The following ABCB7 variants were observed in gnomAD, a reference collection of about 807,000 sequenced individuals.
The protein encoded by ABCB7 is ATP binding cassette subfamily B member 7.
ABCB7 carries 7 observed loss-of-function variants against 54.4 expected under a neutral mutation model. The observed-to-expected ratio is 0.13, with a 90% CI of 0.07 to 0.24. The LOEUF is 0.24. Among genes scored for constraint, ABCB7 ranks in the 10% least tolerant of loss-of-function variants. The pLI is 1.00. For synonymous variants in ABCB7, 218 were observed against 207.1 expected, an observed-to-expected ratio of 1.05 and a Z score of -0.45; for missense variants, 356 against 570.4, an observed-to-expected ratio of 0.62 and a Z score of 3.83.
At chrX:75,142,718 CG>C (rs1261281185) in intron 1 of ABCB7, among the ~76,000 whole-genome samples, 11 of 112,115 alleles carry the variant, frequency 9.8e-5, no homozygotes, top group Non-Finnish European at 1.9e-5. Context: ...TCCCCATCTC[CG>C]GGCTCATATA....
intron 4 of ABCB7, chrX:75,097,517 G>C (rs899983368): frequency 8.9e-6 from 1 of 111,808 alleles, no homozygotes; most frequent in African/African-American, 3.3e-5. Context: ...AAAGAAATTT[G>C]CTTTGTTCAT....
At chrX:75,099,667 C>T (rs1380159607) in intron 3 of ABCB7, among the ~76,000 whole-genome samples, 1 of 110,888 alleles carries the variant, frequency 9.0e-6, no homozygotes, top group Admixed American at 9.6e-5. Context: ...CCTGAGGCAA[C>T]ATTCCCATTA....
intron 9 of ABCB7, among the ~76,000 whole-genome samples, chrX:75,071,257 T>C (rs1296453337): frequency 9.0e-6 from 1 of 110,882 alleles, no homozygotes; most frequent in East Asian, 2.8e-4. Flanking sequence ...AAAAAAAAAG[T>C]TGTTCTTAAA....
chrX:75,051,141 G>GA lies in ABCB7; in HGVS notation c.*2228dup, dbSNP rs752924937. Among the ~76,000 whole-genome samples the GA allele has an allele frequency of 0.1, 8,695 of 84,482 alleles. 909 individuals are homozygous for GA. Among genetic ancestry groups the GA allele is most frequent in the African/African-American group, 0.31 (7,645 of 24,486 alleles). 73.4% of individuals were successfully genotyped at this position (84,482 alleles called of 115,157 possible). A position where few individuals can be genotyped will look rare whatever the true frequency, so the allele number is the denominator to read the frequency against. On this transcript the variant is annotated 3_prime_UTR_variant, in exon 16 of 16. Coordinates refer to ENST00000373394, the MANE Select transcript of ABCB7 (RefSeq NM_001271696.3). ...TTTCAGAGTAAGAAATGTTGAAAAG[G>GA]AAAAAAAAAAAAAAACTAATCCACT...
At chrX:75,061,038 G>C (rs2081278799) in intron 14 of ABCB7, among the ~76,000 whole-genome samples, 1 of 111,470 alleles carries the variant, frequency 9.0e-6, no homozygotes, top group Admixed American at 9.5e-5. Flanking sequence ...AGATATTTCT[G>C]AACATTTTAT....
At chrX:75,138,749 G>A (rs1382844797) in intron 1 of ABCB7, among the ~76,000 whole-genome samples, 4 of 111,384 alleles carry the variant, frequency 3.6e-5, no homozygotes, top group African/African-American at 9.8e-5. Flanking sequence ...AGTGGCTCAC[G>A]CCTGTAATCC....
intron 4 of ABCB7, among the ~76,000 whole-genome samples, chrX:75,088,382 T>C (rs1390286087): frequency 8.9e-6 from 1 of 112,433 alleles, no homozygotes; most frequent in Admixed American, 9.4e-5. Context: ...AGACCAGGAA[T>C]TTAAAATGCC....
chrX:75,097,765 G>A (rs1367940768), intron 4 of ABCB7, among the ~76,000 whole-genome samples: 1 of 111,226 alleles, frequency 9.0e-6, no homozygotes, highest in Admixed American at 9.6e-5. Flanking sequence ...CATTATTTTT[G>A]GAAATCTAAA....
chrX:75,054,746 T>C (rs1400070029), intron 15 of ABCB7, among the ~76,000 whole-genome samples: 2 of 111,193 alleles, frequency 1.8e-5, no homozygotes, highest in African/African-American at 3.3e-5. Context: ...CTTCAGAGCT[T>C]TTAGGTTGTT....
intron 1 of ABCB7, among the ~76,000 whole-genome samples, 185 bp from the exon 2 acceptor site, chrX:75,115,016 T>C (rs370255332): frequency 1.8e-5 from 2 of 111,174 alleles, no homozygotes; most frequent in East Asian, 5.6e-4. Flanking sequence ...ACGCCTATAA[T>C]CCTGGCACTT....
chrX:75,120,563 C>T (rs758949021), intron 1 of ABCB7, among the ~76,000 whole-genome samples: 35 of 110,788 alleles, frequency 3.2e-4, no homozygotes, highest in African/African-American at 1.0e-3. Context: ...GATCATGCCA[C>T]TGCACTCCAG....
chrX:75,053,132 G>C lies in ABCB7; in HGVS notation c.*238C>G, dbSNP rs1265792691. 4 of 420,291 alleles carry C rather than the reference G, an allele frequency of 9.5e-6. No homozygotes were observed. In the African/African-American group the frequency reaches 1.0e-4, roughly 10 times the overall value. 34.6% of individuals were successfully genotyped at this position (420,291 alleles called of 1,213,427 possible). A position where few individuals can be genotyped will look rare whatever the true frequency, so the allele number is the denominator to read the frequency against. On this transcript the variant is annotated 3_prime_UTR_variant, in exon 16 of 16. Transcript: ENST00000373394. ...GTAATGTGGTAATATCAAACAGGTA[G>C]CAAAAAGTATGCATTGAGCACAACC...
Position 75,053,451 on chromosome X carries a change from A to G in ABCB7, c.2178T>C (p.Asn726=), listed in dbSNP as rs917894774. The change falls in exon 16 of 16, where the codon AAT becomes AAC. Residue 726 remains asparagine, a synonymous_variant. Coordinates refer to ENST00000373394, the MANE Select transcript of ABCB7 (RefSeq NM_001271696.3). ...TCTTTCTTTCCTCCTCTTTGGATAT[A>G]TTTTCTTTCTTTGCTTCCCATTTGG... ...DNPKWEAKKE[N]ISKEEERKKL... 1 of 1,210,633 alleles carries G rather than the reference A, an allele frequency of 8.3e-7. No individual in the cohort carries two copies.
chrX:75,058,003 A>G (rs2081255036), intron 15 of ABCB7, among the ~76,000 whole-genome samples: 1 of 110,856 alleles, frequency 9.0e-6, no homozygotes, highest in Admixed American at 9.6e-5. Context: ...TAATTTCCTG[A>G]TAAGTAAATC....
chrX:75,103,768 G>A (rs1192152359), intron 3 of ABCB7, among the ~76,000 whole-genome samples: 1 of 110,261 alleles, frequency 9.1e-6, no homozygotes, highest in South Asian at 3.8e-4. Context: ...TCTTCTTAGC[G>A]ATTTCACCAT....
At chrX:75,130,332 A>G (rs1210650794) in intron 1 of ABCB7, among the ~76,000 whole-genome samples, 1 of 112,416 alleles carries the variant, frequency 8.9e-6, no homozygotes, top group Non-Finnish European at 1.9e-5. Context: ...AAACTGTCAG[A>G]TCTCAATCAA....
chrX:75,066,511 GGT>G (rs2081319455), intron 12 of ABCB7, among the ~76,000 whole-genome samples: 1 of 110,419 alleles, frequency 9.1e-6, no homozygotes, highest in Non-Finnish European at 1.9e-5. Flanking sequence ...TGATTTTTTT[GGT>G]GTAATTTCTG....
At chrX:75,115,621 T>C (rs1399611508) in intron 1 of ABCB7, among the ~76,000 whole-genome samples, 5 of 108,680 alleles carry the variant, frequency 4.6e-5, no homozygotes, top group Non-Finnish European at 9.5e-5. Context: ...GGTCACAAGA[T>C]CAGTTTTGAC....
chrX:75,102,055 T>A (rs1355798170), intron 3 of ABCB7, among the ~76,000 whole-genome samples: 2 of 111,386 alleles, frequency 1.8e-5, no homozygotes, highest in Non-Finnish European at 3.8e-5. Context: ...AGGCACAGTT[T>A]TTATTGATTC....
Sources: allele counts gnomAD v4.1 joint callset (sites outside exome capture counted in the v4.1 genomes callset), GRCh38; gene constraint gnomAD v4.1.1; transcripts MANE v1.5; gene names NCBI Gene and HGNC (gene_info 2026-07-23, HGNC 2026-07-21).